The following SLC12A7 variants were observed in gnomAD, a reference collection of about 807,000 sequenced individuals.
SLC12A7 encodes the protein solute carrier family 12 member 7.
A neutral mutation model predicts 120.6 loss-of-function variants in SLC12A7; 100 were observed. The ratio of observed to expected loss-of-function variants is 0.83; its 90% CI spans 0.71 to 0.98. SLC12A7 has a LOEUF of 0.98. Ranked by LOEUF, SLC12A7 falls within the 50% of genes least tolerant of loss-of-function variation. The pLI is 0.00. For missense variants in SLC12A7, 1,373 were observed against 1,548.1 expected (o/e 0.89, Z 1.90); for synonymous variants, 760 against 678.0 (o/e 1.12, Z -1.88).
chr5:1,069,872 C>A (rs954321311), intron 17 of SLC12A7, among the ~76,000 whole-genome samples: 5 of 152,136 alleles, frequency 3.3e-5, no homozygotes, highest in African/African-American at 1.2e-4. Flanking sequence ...GGGCAGCCGA[C>A]TGCAGCAGCA....
intron 21 of SLC12A7, 78 bp from the exon 22 acceptor site, chr5:1,057,727 G>A (rs1735777378): frequency 7.1e-7 from 1 of 1,401,622 alleles, no homozygotes; most frequent in Non-Finnish European, 9.7e-7. Flanking sequence ...TGCCAGGCCG[G>A]AGGTGAGGGC....
the SLC12A7 span, among the ~76,000 whole-genome samples, chr5:1,146,314 G>A: frequency 0.7 from 106,738 of 151,942 alleles, 37,729 homozygotes; most frequent in South Asian, 0.78. The surrounding 1 kb of genome is among the most constrained non-coding windows in gnomAD (Gnocchi z 6.5). Context: ...AGATGCTGGT[G>A]ACCCCTGGAG....
the SLC12A7 span, among the ~76,000 whole-genome samples, chr5:1,129,281 G>A: frequency 6.6e-6 from 1 of 152,260 alleles, no homozygotes; most frequent in Admixed American, 6.5e-5. Flanking sequence ...AACGCCTCCT[G>A]GCTCCAAGTG....
rs1735089408 is a variant in SLC12A7, at chr5:1,052,018, C to T, written c.*342G>A. The T allele has an allele frequency of 6.0e-6, 2 of 332,150 alleles. No homozygotes were observed. The highest frequency in any genetic ancestry group is 1.1e-5 in the Non-Finnish European group (2 of 181,340). 20.6% of individuals were successfully genotyped at this position (332,150 alleles called of 1,614,324 possible). ...ATGCAACCTAACCACTGGGTAAATC[C>T]AGCCAAGGAAAAGAACTTCCAGAAA... On this transcript the variant is annotated 3_prime_UTR_variant, in exon 24 of 24. Coordinates refer to ENST00000264930, the MANE Select transcript of SLC12A7 (RefSeq NM_006598.3).
Position 1,057,562 on chromosome 5 carries a change from T to C in SLC12A7, c.2935A>G (p.Met979Val). The part of the protein sequence containing the change: ...QAPPTPDKVQ[M>V]TWTREKLIAE... ...ATCAGCTTCTCCCTGGTCCAGGTCA[T>C]CTGCACCTTGTCTGGCGTAGGCGGC... is the stretch of plus-strand genomic sequence containing the variant. The change falls in exon 22 of 24, where the codon ATG (methionine) becomes GTG (valine). Residue 979 changes from methionine to valine, a missense_variant. Met to Val is a conservative substitution (Grantham distance 21). Coordinates refer to ENST00000264930, the MANE Select transcript of SLC12A7 (RefSeq NM_006598.3). 2 of 1,613,088 alleles carry C rather than the reference T, an allele frequency of 1.2e-6. No homozygotes were observed. The highest frequency in any genetic ancestry group is 1.3e-5 in the African/African-American group (1 of 75,062).
chr5:1,130,912 A>C, the SLC12A7 span, among the ~76,000 whole-genome samples: 2 of 152,160 alleles, frequency 1.3e-5, no homozygotes, highest in Admixed American at 1.3e-4. Context: ...CCCTGGGGAC[A>C]ACATTGGAGT....
At chr5:1,060,062 C>T (rs1412157179) in intron 21 of SLC12A7, among the ~76,000 whole-genome samples, 1 of 152,242 alleles carries the variant, frequency 6.6e-6, no homozygotes, top group Non-Finnish European at 1.5e-5. Flanking sequence ...TCTCGGCCCT[C>T]GTCCCTTCCT....
intron 1 of SLC12A7, among the ~76,000 whole-genome samples, chr5:1,096,839 AG>A (rs1741282682): frequency 1.5e-5 from 1 of 65,520 alleles, no homozygotes; most frequent in African/African-American, 5.2e-5. Flanking sequence ...GGAAGGAGGG[AG>A]GGAGGGAAGG....
At position 1,093,655 on chromosome 5, in the gene SLC12A7, C is replaced by A; in HGVS notation, c.220G>T (p.Glu74Ter). The A allele has an allele frequency of 6.2e-7, 1 of 1,612,868 alleles. No homozygotes were observed. The highest frequency in any genetic ancestry group is 8.5e-7 in the Non-Finnish European group (1 of 1,179,776). The change falls in exon 3 of 24, where the codon GAG becomes TAG. Residue 74 changes from glutamate (E) to a stop codon, truncating the protein, a stop_gained and splice_region_variant. Transcript: ENST00000264930. LOFTEE classifies it high-confidence loss of function. Reference sequence around the variant, plus strand: ...ACCATGGGGTTACTGTCCATCTCCTCCTGCGCGGCGTGGACATGGTCACAG... The same window carrying A: ...ACCATGGGGTTACTGTCCATCTCCTACTGCGCGGCGTGGACATGGTCACAG... The part of the protein sequence containing the change: ...FEGKNMALFE[E>*]EMDSNPMVSS...
In SLC12A7 at chr5:1,093,644, G is replaced by A; in HGVS notation, c.231C>T (p.Asp77=). The change falls in exon 3 of 24, where the codon GAC becomes GAT. Residue 77 remains aspartate (D), a synonymous_variant. Transcript: ENST00000264930. ...GCAGCGAGGACACCATGGGGTTACTGTCCATCTCCTCCTGCGCGGCGTGGA... is the reference window on the plus strand; with the variant it reads ...GCAGCGAGGACACCATGGGGTTACTATCCATCTCCTCCTGCGCGGCGTGGA... The part of the protein sequence containing the change: ...KNMALFEEEM[D]SNPMVSSLLN... 1.2e-6 allele frequency: 2 copies of A among 1,613,066 alleles called. No homozygotes were observed. The highest frequency in any genetic ancestry group is 1.1e-5 in the South Asian group (1 of 91,080).
At chr5:1,116,347 G>A (rs914839240), upstream of SLC12A7, among the ~76,000 whole-genome samples, 2 of 152,216 alleles carry the variant, frequency 1.3e-5, no homozygotes, top group African/African-American at 4.8e-5. Context: ...TGGCGCTGGG[G>A]AGCCTGTCTG....
chr5:1,132,223 G>A, the SLC12A7 span, among the ~76,000 whole-genome samples: 167 of 152,256 alleles, frequency 1.1e-3, no homozygotes, highest in Non-Finnish European at 2.0e-3. Flanking sequence ...CCAGCACGGT[G>A]GCAGTTTACA....
chr5:1,094,919 A>G (rs374703522), intron 1 of SLC12A7, among the ~76,000 whole-genome samples: 1 of 151,056 alleles, frequency 6.6e-6, no homozygotes, highest in African/African-American at 2.4e-5. Context: ...CGAGAGCATG[A>G]GCAAGGGAAT....
In SLC12A7 at chr5:1,088,377, A is replaced by T. The variant is rs775369674; in HGVS notation, c.490-17T>A. ...CAGCATTGTCTGCAAAAAGACAGGC[A>T]GCCATCTGAGGAGAGTTTTCCAACA... On this transcript the variant is annotated splice_polypyrimidine_tract_variant and intron_variant, in intron 4 of 23. Coordinates refer to ENST00000264930, the MANE Select transcript of SLC12A7 (RefSeq NM_006598.3). 5 of 1,567,070 alleles carry T rather than the reference A, an allele frequency of 3.2e-6. No individual in the cohort carries two copies. The highest frequency in any genetic ancestry group is 4.3e-6 in the Non-Finnish European group (5 of 1,155,578).
In SLC12A7 at chr5:1,091,867, C is replaced by T. The variant is rs534447360; in HGVS notation, c.342+1666G>A. ...CTGAGCCTGGCAACACCCAATTCCGCAGCGTCCACGTGCAGCAGTGATGGT... is the reference window on the plus strand; with the variant it reads ...CTGAGCCTGGCAACACCCAATTCCGTAGCGTCCACGTGCAGCAGTGATGGT... On this transcript the variant is annotated intron_variant, in intron 3 of 23. Coordinates refer to ENST00000264930, the MANE Select transcript of SLC12A7 (RefSeq NM_006598.3). Among the ~76,000 whole-genome samples, 3 of 152,378 alleles carry T rather than the reference C, an allele frequency of 2.0e-5. No homozygotes were observed. The South Asian group carries it at 6.2e-4, about 32-fold the overall frequency.
chr5:1,101,272 A>G (rs759936671), intron 1 of SLC12A7, among the ~76,000 whole-genome samples: 2 of 152,222 alleles, frequency 1.3e-5, no homozygotes, highest in Non-Finnish European at 2.9e-5. Flanking sequence ...CAGTTCCAGC[A>G]GCAGCTCTGC....
the SLC12A7 span, among the ~76,000 whole-genome samples, chr5:1,128,338 T>G: frequency 2.0e-5 from 3 of 152,210 alleles, no homozygotes; most frequent in East Asian, 5.8e-4. Context: ...TCAGGCCCAG[T>G]GGAAACTGGT....
At chr5:1,118,605 C>T in the SLC12A7 span, among the ~76,000 whole-genome samples, 1 of 152,232 alleles carries the variant, frequency 6.6e-6, no homozygotes, top group Non-Finnish European at 1.5e-5. Flanking sequence ...GGAAGTTTCC[C>T]CTTTCTAGAC....
chr5:1,060,913 C>G (rs1166934429), intron 20 of SLC12A7, among the ~76,000 whole-genome samples: 1 of 152,040 alleles, frequency 6.6e-6, no homozygotes, highest in Non-Finnish European at 1.5e-5. Context: ...GGGTCTCACC[C>G]ATTGCACCCA....
Sources: allele counts gnomAD v4.1 joint callset (sites outside exome capture counted in the v4.1 genomes callset), GRCh38; gene constraint gnomAD v4.1.1; non-coding constraint Gnocchi (gnomAD v3.1); transcripts MANE v1.5; gene names NCBI Gene and HGNC (gene_info 2026-07-23, HGNC 2026-07-21).